The following LGR6 variants were observed in gnomAD, a reference collection of about 807,000 sequenced individuals.
LGR6 encodes leucine rich repeat containing G protein-coupled receptor 6.
Under a neutral mutation model 69.4 loss-of-function variants are expected in LGR6, and 45 were observed. The ratio of observed to expected loss-of-function variants is 0.65; its 90% CI spans 0.51 to 0.83. The LOEUF is 0.83. Ranked by LOEUF, LGR6 falls within the 40% of genes least tolerant of loss-of-function variation. The pLI, the probability that LGR6 is intolerant of heterozygous loss-of-function variation, is 0.00. For synonymous variants in LGR6, 538 were observed against 555.0 expected, an observed-to-expected ratio of 0.97 and a Z score of 0.43; for missense variants, 1,108 against 1,246.7, an observed-to-expected ratio of 0.89 and a Z score of 1.68.
At chr1:202,292,906 G>A (rs1666895472) in intron 6 of LGR6, among the ~76,000 whole-genome samples, 1 of 152,192 alleles carries the variant, frequency 6.6e-6, no homozygotes, top group Non-Finnish European at 1.5e-5. Flanking sequence ...GTGCAGCTAT[G>A]GAGAAAAGAG....
intron 1 of LGR6, among the ~76,000 whole-genome samples, chr1:202,211,522 C>T (rs771914226): frequency 2.0e-5 from 3 of 152,168 alleles, no homozygotes; most frequent in South Asian, 2.1e-4. Flanking sequence ...CCACCACACC[C>T]GGCTAATTTT....
chr1:202,239,023 G>C (rs1403123739), intron 4 of LGR6, among the ~76,000 whole-genome samples: 1 of 152,168 alleles, frequency 6.6e-6, no homozygotes, highest in Non-Finnish European at 1.5e-5. Context: ...GTGAGGACGG[G>C]GCAGGGGTTT....
intron 1 of LGR6, among the ~76,000 whole-genome samples, chr1:202,196,513 C>G (rs1658646475): frequency 6.6e-6 from 1 of 152,186 alleles, no homozygotes; most frequent in Non-Finnish European, 1.5e-5. Context: ...GTGCCTCTCT[C>G]TGAGCCACTC....
Position 202,208,912 on chromosome 1 carries a change from G to A in LGR6, c.212+14711G>A, listed in dbSNP as rs1028961601. On this transcript the variant is annotated intron_variant, in intron 1 of 17. Coordinates refer to ENST00000367278, the MANE Select transcript of LGR6 (RefSeq NM_001017403.2). ...AGCAAATGGCCCTAGAGCCATAGGG[G>A]TAAAGAGTGTAGTAAGAGGGGAAGG... Among the ~76,000 whole-genome samples the A allele has an allele frequency of 2.0e-5, 3 of 152,126 alleles. No homozygotes were observed. The South Asian group carries it at 6.2e-4, about 32-fold the overall frequency.
At chr1:202,313,751 ATTAT>A (rs1235649083) in intron 16 of LGR6, among the ~76,000 whole-genome samples, 1 of 152,222 alleles carries the variant, frequency 6.6e-6, no homozygotes, top group African/African-American at 2.4e-5. Context: ...GGCACATGTG[ATTAT>A]TTAATACATT....
At chr1:202,206,793 C>G (rs763661801) in intron 1 of LGR6, among the ~76,000 whole-genome samples, 22 of 152,064 alleles carry the variant, frequency 1.4e-4, no homozygotes, top group Admixed American at 2.6e-4. Context: ...TGGTCTTGAA[C>G]TTGCTGGGAT....
intron 3 of LGR6, among the ~76,000 whole-genome samples, chr1:202,228,792 G>A (rs143048339): frequency 3.9e-5 from 6 of 152,256 alleles, no homozygotes; most frequent in South Asian, 2.1e-4. Flanking sequence ...CAGGGAGGTC[G>A]CGTTGCCACA....
At chr1:202,206,050 G>C (rs1226267837) in intron 1 of LGR6, among the ~76,000 whole-genome samples, 1 of 152,152 alleles carries the variant, frequency 6.6e-6, no homozygotes, top group Admixed American at 6.5e-5. Context: ...CAGTTCCAGT[G>C]TATGCATTTC....
At chr1:202,205,462 AAACAC>A (rs1659161794) in intron 1 of LGR6, among the ~76,000 whole-genome samples, 733 of 23,082 alleles carry the variant, frequency 0.032, no homozygotes, top group South Asian at 0.066. Flanking sequence ...ACACACCTCC[AAACAC>A]ACACACACCT....
chr1:202,256,640 C>CA (rs1338355188), intron 4 of LGR6, among the ~76,000 whole-genome samples: 1 of 152,116 alleles, frequency 6.6e-6, no homozygotes, highest in Non-Finnish European at 1.5e-5. Context: ...GGGCTGTTTC[C>CA]ACGTTTTGGT....
At chr1:202,253,620 CTTTTTTT>C (rs71141468) in intron 4 of LGR6, among the ~76,000 whole-genome samples, 2 of 52,484 alleles carry the variant, frequency 3.8e-5, no homozygotes, top group African/African-American at 6.9e-5. Context: ...TCCTACTATT[CTTTTTTT>C]TTTTTTTTTT....
In LGR6 at chr1:202,236,558, A is replaced by C. The variant is rs185686796; in HGVS notation, c.428+565A>C. On this transcript the variant is annotated intron_variant, in intron 4 of 17. Coordinates refer to ENST00000367278, the MANE Select transcript of LGR6 (RefSeq NM_001017403.2). ...CAGGGGCATCGTGGAAGCCAGACCC[A>C]GCCTGAGGGTGGAAGCGGGAGCAGG... 3.1e-3 allele frequency among the ~76,000 whole-genome samples: 471 copies of C among 152,292 alleles called. 5 individuals carry two copies. Among genetic ancestry groups the C allele is most frequent in the African/African-American group, 0.011 (453 of 41,570 alleles).
chr1:202,259,582 A>G (rs112481066), intron 4 of LGR6, among the ~76,000 whole-genome samples: 2,916 of 152,292 alleles, frequency 0.019, 40 homozygotes, highest in Middle Eastern at 0.058. Flanking sequence ...GTATCCTGGA[A>G]AGATGTAAAT....
At chr1:202,270,947 G>A (rs767702112) in intron 4 of LGR6, among the ~76,000 whole-genome samples, 1 of 152,084 alleles carries the variant, frequency 6.6e-6, no homozygotes, top group Non-Finnish European at 1.5e-5. Context: ...TTTGGCCCTC[G>A]ACAGGTTAAG....
intron 6 of LGR6, among the ~76,000 whole-genome samples, chr1:202,292,269 C>G (rs1436798139): frequency 1.3e-5 from 2 of 152,180 alleles, no homozygotes; most frequent in African/African-American, 4.8e-5. Context: ...ATCTTTCCGG[C>G]AGATGTGTAG....
chr1:202,203,922 C>A, intron 1 of LGR6: 1 of 1,380,092 alleles, frequency 7.2e-7, no homozygotes, highest in Non-Finnish European at 1.0e-6. Flanking sequence ...GTGTTTAGCA[C>A]AGAGGGGGTG....
rs1302686501 is a variant in LGR6 at position 202,199,541 on chromosome 1, G to A, written c.212+5340G>A. ...GGCTGGCGGAGGAGAAGAAAGCCTGGCTCAGAGCAGAGTTGGCCCCCAGCC... is the reference window on the plus strand; with the variant it reads ...GGCTGGCGGAGGAGAAGAAAGCCTGACTCAGAGCAGAGTTGGCCCCCAGCC... On this transcript the variant is annotated intron_variant, in intron 1 of 17. Transcript: ENST00000367278. Among the ~76,000 whole-genome samples the A allele has an allele frequency of 3.3e-5, 5 of 152,168 alleles. No homozygotes were observed. In the East Asian group the frequency reaches 9.6e-4, roughly 29 times the overall value.
intron 6 of LGR6, among the ~76,000 whole-genome samples, chr1:202,284,379 G>A (rs1412199350): frequency 6.6e-6 from 1 of 152,218 alleles, no homozygotes; most frequent in African/African-American, 2.4e-5. Context: ...AGACTGTGAA[G>A]TAGTATTTCC....
At chr1:202,300,544 A>G (rs1667504546) in intron 7 of LGR6, among the ~76,000 whole-genome samples, 1 of 151,938 alleles carries the variant, frequency 6.6e-6, no homozygotes, top group South Asian at 2.1e-4. Flanking sequence ...AGTCCCAGCT[A>G]TGTAGGAGGC....
Sources: allele counts gnomAD v4.1 joint callset (sites outside exome capture counted in the v4.1 genomes callset), GRCh38; gene constraint gnomAD v4.1.1; transcripts MANE v1.5; gene names NCBI Gene and HGNC (gene_info 2026-07-23, HGNC 2026-07-21).